Variants in OSMR observed in about 807,000 individuals in gnomAD.
OSMR encodes oncostatin M receptor, also known as oncostatin-M-specific receptor subunit beta.
OSMR carries 81 observed loss-of-function variants against 99.9 expected under a neutral mutation model. The observed-to-expected ratio is 0.81, with a 90% CI of 0.68 to 0.97. OSMR has a LOEUF of 0.97. OSMR is among the 50% of genes least tolerant of loss of function. OSMR has a pLI of 0.00. For synonymous variants in OSMR, 406 were observed against 410.4 expected, an observed-to-expected ratio of 0.99 and a Z score of 0.13; for missense variants, 1,099 against 1,153.4, an observed-to-expected ratio of 0.95 and a Z score of 0.68.
rs188222108 is a variant in OSMR at position 38,943,688 on chromosome 5, C to G, written c.75-513C>G. ...ATTAGCTAGGTGTGGTGGTACACAC[C>G]TGTAATCCCAGCTACTTGGGAGGCT... On this transcript the variant is annotated intron_variant and NMD_transcript_variant, in intron 1 of 2. Transcript: ENST00000508882. Among the ~76,000 whole-genome samples, 187 of 152,232 alleles carry G rather than the reference C, an allele frequency of 1.2e-3. 2 individuals are homozygous for G. The highest frequency in any genetic ancestry group is 2.1e-3 in the Non-Finnish European group (143 of 68,006).
intron 2 of OSMR, 95 bp downstream of exon 2, chr5:38,869,212 T>G: frequency 2.1e-6 from 2 of 954,338 alleles, no homozygotes; most frequent in Non-Finnish European, 3.4e-6. Flanking sequence ...TCTTTTTTCT[T>G]TGGGAATTAC....
intron 12 of OSMR, among the ~76,000 whole-genome samples, chr5:38,922,166 C>A (rs1048446750): frequency 5.3e-5 from 8 of 152,148 alleles, no homozygotes; most frequent in African/African-American, 1.7e-4. Flanking sequence ...GAGAATCGAT[C>A]ATCAACTTCA....
chr5:38,924,605 AT>A lies in OSMR; in HGVS notation c.2044+15del. The stretch of plus-strand genomic sequence containing the variant: ...AAGGCAGTTCTTTCAGGTGACATCT[AT>A]TTTTAATTTGTTTATTTATTCTTTC... On this transcript the variant is annotated intron_variant, in intron 14 of 17. Coordinates refer to ENST00000274276, the MANE Select transcript of OSMR (RefSeq NM_003999.3). 1 of 1,588,234 alleles carries A rather than the reference AT, an allele frequency of 6.3e-7. No homozygotes were observed. Among genetic ancestry groups the A allele is most frequent in the African/African-American group, 1.3e-5 (1 of 74,532 alleles).
chr5:38,940,215 G>A (rs1747407338), downstream of OSMR: 1 of 231,300 alleles, frequency 4.3e-6, no homozygotes, highest in East Asian at 6.1e-5. Flanking sequence ...CCAAGGTGAG[G>A]GTACAGGGAT....
intron 3 of OSMR, among the ~76,000 whole-genome samples, chr5:38,877,270 G>A (rs1192741227): frequency 6.6e-6 from 1 of 152,134 alleles, no homozygotes; most frequent in Non-Finnish European, 1.5e-5. Context: ...GAGGCTTTGG[G>A]TACACACATA....
chr5:38,889,892 TAGTTCAC>T (rs1391573723), intron 7 of OSMR, among the ~76,000 whole-genome samples: 16 of 152,326 alleles, frequency 1.1e-4, no homozygotes, highest in African/African-American at 3.8e-4. Context: ...AGTTGGATAT[TAGTTCAC>T]AAATAAAATA....
At position 38,901,075 on chromosome 5, in the gene OSMR, G is replaced by A. The variant is rs986322829; in HGVS notation, c.992-2807G>A. Among the ~76,000 whole-genome samples, 4 of 152,232 alleles carry A rather than the reference G, an allele frequency of 2.6e-5. No individual in the cohort carries two copies. In the South Asian group the frequency reaches 8.3e-4, roughly 32 times the overall value. On this transcript the variant is annotated intron_variant, in intron 7 of 17. Transcript: ENST00000274276. ...TGGCCCATGAGTCTGTGAAAATACA[G>A]CAAGATATGGTGAGTAAGGCGGCTG...
At chr5:38,887,559 A>T (rs1743867618) in intron 7 of OSMR, among the ~76,000 whole-genome samples, 1 of 152,208 alleles carries the variant, frequency 6.6e-6, no homozygotes, top group Admixed American at 6.5e-5. Flanking sequence ...TGGTCTGTTT[A>T]TTCCTGCACT....
At chr5:38,877,425 A>G (rs1287417745) in intron 3 of OSMR, among the ~76,000 whole-genome samples, 1 of 152,230 alleles carries the variant, frequency 6.6e-6, no homozygotes, top group Non-Finnish European at 1.5e-5. Context: ...TACCTAGTCT[A>G]TAATTCTACC....
intron 9 of OSMR, among the ~76,000 whole-genome samples, chr5:38,910,111 G>T (rs59850450): frequency 0.012 from 1,834 of 152,244 alleles, 45 homozygotes; most frequent in African/African-American, 0.041. Flanking sequence ...AACCAATAAT[G>T]ATCAGAAAAG....
chr5:38,875,479 C>T (rs961985135), intron 2 of OSMR, among the ~76,000 whole-genome samples: 5 of 152,184 alleles, frequency 3.3e-5, no homozygotes, highest in African/African-American at 7.2e-5. Flanking sequence ...TGCTGCTTCC[C>T]AAGGCCACCA....
intron 7 of OSMR, among the ~76,000 whole-genome samples, chr5:38,902,465 T>C (rs1421573493): frequency 6.6e-6 from 1 of 152,224 alleles, no homozygotes; most frequent in East Asian, 1.9e-4. Flanking sequence ...CCTCCCAATG[T>C]CATCAGTTTA....
chr5:38,907,744 C>A (rs1745335472), intron 9 of OSMR, among the ~76,000 whole-genome samples: 1 of 152,186 alleles, frequency 6.6e-6, no homozygotes, highest in Non-Finnish European at 1.5e-5. Flanking sequence ...ATGCATCAGC[C>A]CACCTGCAGC....
Position 38,933,148 on chromosome 5 carries a change from A to G in OSMR, c.2644A>G (p.Ser882Gly), listed in dbSNP as rs746721440. The G allele has an allele frequency of 6.2e-7, 1 of 1,614,038 alleles. No individual in the cohort carries two copies. Among genetic ancestry groups the G allele is most frequent in the African/African-American group, 1.3e-5 (1 of 74,920 alleles). Residue 882 changes from serine to glycine, a missense_variant, in exon 18 of 18, where the codon AGT becomes GGT. Coordinates refer to ENST00000274276, the MANE Select transcript of OSMR (RefSeq NM_003999.3). ...TGTTCCAGTATCCCCAAAAGCCCCA[A>G]GTATGCTGGGACTAATGACCTCACC... is the stretch of plus-strand genomic sequence containing the variant. ...GHVPVSPKAP[S>G]MLGLMTSPEN...
chr5:38,945,369 G>C (rs909690991), downstream of OSMR: 3 of 675,142 alleles, frequency 4.4e-6, no homozygotes, highest in Non-Finnish European at 5.1e-6. Context: ...TGGCATATCA[G>C]TGTGCTGCAG....
In OSMR at chr5:38,918,966, C is replaced by T. The variant is rs774308153; in HGVS notation, c.1489C>T (p.Leu497Phe). 2 of 1,614,150 alleles carry T rather than the reference C, an allele frequency of 1.2e-6. No individual in the cohort carries two copies. The highest frequency in any genetic ancestry group is 8.5e-7 in the Non-Finnish European group (1 of 1,180,004). The change falls in exon 11 of 18, where the codon CTT (leucine) becomes TTT (phenylalanine). Residue 497 changes from leucine (L) to phenylalanine (F), a missense_variant. Leu to Phe is a conservative substitution (Grantham distance 22, BLOSUM62 0). Transcript: ENST00000274276. ...PAPANSTKLI[L>F]DRCSYQICVI... ...ACCAGCCAACAGCACAAAACTAATC[C>T]TTGACAGGTGTTCCTACCAAATCTG...
intron 4 of OSMR, among the ~76,000 whole-genome samples, chr5:38,882,043 C>G (rs1348640395): frequency 1.3e-5 from 2 of 152,162 alleles, no homozygotes; most frequent in Non-Finnish European, 2.9e-5. Flanking sequence ...ATTATAAATG[C>G]TAAGTGAACA....
chr5:38,914,950 T>C (rs951296669), intron 9 of OSMR, among the ~76,000 whole-genome samples: 12 of 152,222 alleles, frequency 7.9e-5, no homozygotes, highest in Admixed American at 2.0e-4. Context: ...TATACCCATG[T>C]AACAAACATG....
chr5:38,856,587 G>T (rs1004138870), intron 1 of OSMR, among the ~76,000 whole-genome samples: 1 of 152,192 alleles, frequency 6.6e-6, no homozygotes, highest in Admixed American at 6.5e-5. Flanking sequence ...AGGATTCATA[G>T]CCTGACATAT....
Sources: allele counts gnomAD v4.1 joint callset (sites outside exome capture counted in the v4.1 genomes callset), GRCh38; gene constraint gnomAD v4.1.1; transcripts MANE v1.5; gene names NCBI Gene and HGNC (gene_info 2026-07-23, HGNC 2026-07-21).